Variants in NTM observed in about 807,000 individuals in gnomAD.
The protein encoded by NTM is IgLON family member 2.
In NTM, 13 loss-of-function variants were observed where a neutral mutation model predicts 42.1. That is an observed-to-expected ratio of 0.31 (90% CI 0.20 to 0.49). The LOEUF is 0.49. Ranked by LOEUF, NTM falls within the 20% of genes least tolerant of loss-of-function variation. The pLI, the probability that NTM is intolerant of heterozygous loss-of-function variation, is 0.99. For missense variants in NTM, 373 were observed against 452.8 expected, an observed-to-expected ratio of 0.82 and a Z score of 1.60; for synonymous variants, 187 against 179.2, an observed-to-expected ratio of 1.04 and a Z score of -0.35.
chr11:132,292,911 T>A (rs2094497768), intron 4 of NTM, among the ~76,000 whole-genome samples: 1 of 151,790 alleles, frequency 6.6e-6, no homozygotes, highest in South Asian at 2.1e-4. Context: ...TAGGAAGTTA[T>A]GGACAGAGTG....
At chr11:131,999,618 A>G (rs1245105953) in intron 2 of NTM, among the ~76,000 whole-genome samples, 4 of 152,276 alleles carry the variant, frequency 2.6e-5, no homozygotes, top group Middle Eastern at 3.4e-3. Context: ...TTTGCTGCAA[A>G]TTTCCTGCAT....
At chr11:132,246,201 G>A (rs1400197177) in intron 4 of NTM, among the ~76,000 whole-genome samples, 4 of 152,206 alleles carry the variant, frequency 2.6e-5, no homozygotes, top group Non-Finnish European at 4.4e-5. Context: ...AGGCAAAGGG[G>A]CCTTTGCCGC....
At chr11:131,553,660 A>G (rs1384401565) in intron 1 of NTM, among the ~76,000 whole-genome samples, 2 of 152,160 alleles carry the variant, frequency 1.3e-5, no homozygotes, top group Non-Finnish European at 2.9e-5. Flanking sequence ...TTTAACCTAT[A>G]TTACGGCAAC....
intron 1 of NTM, among the ~76,000 whole-genome samples, chr11:131,451,306 A>G (rs1324452978): frequency 6.6e-6 from 1 of 152,236 alleles, no homozygotes; most frequent in East Asian, 1.9e-4. Flanking sequence ...AGAGAACTGT[A>G]TAGATGAGTA....
chr11:131,685,663 C>G (rs2073772352), intron 1 of NTM, among the ~76,000 whole-genome samples: 1 of 152,130 alleles, frequency 6.6e-6, no homozygotes, highest in South Asian at 2.1e-4. Flanking sequence ...AGAGCCACAG[C>G]ACACTCTCTC....
chr11:131,709,088 C>A (rs1489655532), intron 1 of NTM, among the ~76,000 whole-genome samples: 1 of 152,036 alleles, frequency 6.6e-6, no homozygotes, highest in Non-Finnish European at 1.5e-5. Flanking sequence ...CAGATATGAG[C>A]ATTGCTGGTG....
intron 2 of NTM, among the ~76,000 whole-genome samples, chr11:131,942,159 AG>A (rs1420304351): frequency 6.6e-6 from 1 of 152,248 alleles, no homozygotes; most frequent in Non-Finnish European, 1.5e-5. Flanking sequence ...ATGATGTGGC[AG>A]AAGCAGGTAA....
chr11:131,390,699 G>A (rs1203940263), intron 1 of NTM, among the ~76,000 whole-genome samples: 2 of 152,128 alleles, frequency 1.3e-5, no homozygotes, highest in Non-Finnish European at 2.9e-5. Flanking sequence ...GTTTGCATGT[G>A]TATCTCCATG....
At chr11:131,518,343 T>C (rs956857612) in intron 1 of NTM, among the ~76,000 whole-genome samples, 1 of 152,198 alleles carries the variant, frequency 6.6e-6, no homozygotes, top group Admixed American at 6.5e-5. Flanking sequence ...GTCTCCTTGC[T>C]GTTTCTCAGA....
At position 131,951,619 on chromosome 11, in the gene NTM, C is replaced by T. The variant is rs189347458; in HGVS notation, c.167+39971C>T. On this transcript the variant is annotated intron_variant, in intron 2 of 8. Coordinates refer to ENST00000683400, the MANE Select transcript of NTM (RefSeq NM_001352005.2). ...CGGGAGGATCATGAGGTCAGGAGTT[C>T]AAGACCAGCCTGACCAATATGGTGA... is the stretch of plus-strand genomic sequence containing the variant. Among the ~76,000 whole-genome samples the T allele has an allele frequency of 1.4e-3, 206 of 152,114 alleles. 1 individual carries two copies. The highest frequency in any genetic ancestry group is 2.2e-3 in the Non-Finnish European group (148 of 67,996).
At chr11:131,740,119 T>C (rs2080995798) in intron 1 of NTM, among the ~76,000 whole-genome samples, 1 of 152,208 alleles carries the variant, frequency 6.6e-6, no homozygotes, top group African/African-American at 2.4e-5. Context: ...GGATAATGCC[T>C]CACTCGCAGG....
intron 2 of NTM, among the ~76,000 whole-genome samples, chr11:132,067,882 A>C (rs1390855116): frequency 2.0e-5 from 3 of 152,140 alleles, no homozygotes; most frequent in Non-Finnish European, 4.4e-5. Flanking sequence ...GAGTCTAGCA[A>C]CCTTCTTTCA....
intron 4 of NTM, among the ~76,000 whole-genome samples, chr11:132,217,837 A>G (rs1262323232): frequency 1.3e-5 from 2 of 152,034 alleles, no homozygotes; most frequent in South Asian, 2.1e-4. Context: ...CTCCTGGCCA[A>G]TGCCCTGAGC....
chr11:131,395,054 T>C (rs1025843789), intron 1 of NTM, among the ~76,000 whole-genome samples: 1 of 152,184 alleles, frequency 6.6e-6, no homozygotes, highest in African/African-American at 2.4e-5. Flanking sequence ...GCCCCTCTGC[T>C]GTTGTTTACT....
intron 4 of NTM, among the ~76,000 whole-genome samples, chr11:132,256,319 G>T (rs1270124832): frequency 6.6e-6 from 1 of 152,208 alleles, no homozygotes; most frequent in Non-Finnish European, 1.5e-5. Flanking sequence ...TCTGAAATGA[G>T]CAACGCCCAT....
At chr11:132,310,876 C>A (rs2095260132) in intron 6 of NTM, among the ~76,000 whole-genome samples, 1 of 152,154 alleles carries the variant, frequency 6.6e-6, no homozygotes. Flanking sequence ...GTGCAGGGAT[C>A]AGTAGCTCAG....
chr11:131,421,622 G>A (rs1403709858), intron 1 of NTM, among the ~76,000 whole-genome samples: 8 of 152,190 alleles, frequency 5.3e-5, no homozygotes, highest in Non-Finnish European at 4.4e-5. Context: ...GGGAGGTGAC[G>A]TGGGTCAAGA....
chr11:131,898,275 C>T (rs1412166304), intron 1 of NTM, among the ~76,000 whole-genome samples: 1 of 152,204 alleles, frequency 6.6e-6, no homozygotes, highest in African/African-American at 2.4e-5. Context: ...GGAAAGGGAA[C>T]CAGTGCTGAT....
chr11:132,313,890 T>A (rs1184236679), intron 6 of NTM, among the ~76,000 whole-genome samples: 1 of 152,160 alleles, frequency 6.6e-6, no homozygotes, highest in Non-Finnish European at 1.5e-5. Flanking sequence ...AAGGGACATA[T>A]TCTTGGGAAC....
Sources: gnomAD v4.1 joint callset for allele counts (sites outside exome capture counted in the v4.1 genomes callset) on GRCh38, gnomAD v4.1.1 for gene constraint, MANE v1.5 for transcripts, NCBI Gene and HGNC (gene_info 2026-07-23, HGNC 2026-07-21) for gene names.